The following GALM variants were observed in gnomAD, a reference collection of about 807,000 sequenced individuals.
The protein encoded by GALM is galactose mutarotase.
GALM carries 43 observed loss-of-function variants against 37.4 expected under a neutral mutation model. The ratio of observed to expected loss-of-function variants is 1.15; its 90% CI spans 0.90 to 1.48. The LOEUF is 1.48. GALM is among the 40% of genes most tolerant of loss of function. GALM has a pLI of 0.00. For missense variants in GALM, 456 were observed against 419.1 expected (o/e 1.09, Z -0.77); for synonymous variants, 199 against 170.6 (o/e 1.17, Z -1.30).
chr2:38,702,742 T>G (rs1665944126), intron 4 of GALM, among the ~76,000 whole-genome samples: 1 of 151,964 alleles, frequency 6.6e-6, no homozygotes, highest in East Asian at 1.9e-4. Flanking sequence ...GCTTGGTCTC[T>G]TCGGGTTGAA....
intron 4 of GALM, among the ~76,000 whole-genome samples, chr2:38,723,146 C>CT (rs1666417940): frequency 6.6e-6 from 1 of 152,140 alleles, no homozygotes; most frequent in Non-Finnish European, 1.5e-5. Context: ...AATTCTTGCC[C>CT]TTTAGGACCT....
At chr2:38,727,779 G>A (rs1666517095) in intron 4 of GALM, among the ~76,000 whole-genome samples, 1 of 151,212 alleles carries the variant, frequency 6.6e-6, no homozygotes, top group Non-Finnish European at 1.5e-5. Flanking sequence ...CTTTTACTCA[G>A]ATAGATTTGT....
intron 1 of GALM, 22 bp from the exon 2 acceptor site, chr2:38,675,890 C>T: frequency 6.2e-7 from 1 of 1,613,118 alleles, no homozygotes; most frequent in Non-Finnish European, 8.5e-7. Flanking sequence ...TTTAAAAGTG[C>T]TGTCATCCCT....
chr2:38,673,906 G>C (rs1665176963), intron 1 of GALM, among the ~76,000 whole-genome samples: 2 of 151,834 alleles, frequency 1.3e-5, no homozygotes, highest in South Asian at 4.1e-4. Context: ...TAAATGAAAA[G>C]TTGCAGAACA....
intron 4 of GALM, among the ~76,000 whole-genome samples, chr2:38,697,830 C>T (rs530171321): frequency 2.0e-4 from 31 of 152,280 alleles, no homozygotes; most frequent in South Asian, 6.2e-4. Context: ...AATTCCCTTA[C>T]GTCTTCAATG....
chr2:38,678,349 T>C (rs1292210126), intron 2 of GALM, among the ~76,000 whole-genome samples: 1 of 152,072 alleles, frequency 6.6e-6, no homozygotes, highest in Non-Finnish European at 1.5e-5. Context: ...TGAATAGGAT[T>C]TGAAATGGTA....
chr2:38,676,781 T>TAAAA (rs1558578401), intron 2 of GALM, among the ~76,000 whole-genome samples: 1 of 151,806 alleles, frequency 6.6e-6, no homozygotes, highest in East Asian at 1.9e-4. Flanking sequence ...AAAAAATAAA[T>TAAAA]AATAAATAAA....
At chr2:38,673,654 C>A (rs1665168462) in intron 1 of GALM, among the ~76,000 whole-genome samples, 1 of 151,754 alleles carries the variant, frequency 6.6e-6, no homozygotes, top group Admixed American at 6.6e-5. Context: ...ACTAAAAATA[C>A]AAAAAATAAG....
chr2:38,732,210 C>T (rs1487010733), intron 6 of GALM, among the ~76,000 whole-genome samples: 2 of 152,158 alleles, frequency 1.3e-5, no homozygotes, highest in African/African-American at 2.4e-5. Context: ...GCGCCTACCA[C>T]CATGCCTGCT....
chr2:38,728,308 C>A (rs1396898342), intron 4 of GALM, among the ~76,000 whole-genome samples: 1 of 151,738 alleles, frequency 6.6e-6, no homozygotes, highest in Non-Finnish European at 1.5e-5. Flanking sequence ...GTGGGAGAAT[C>A]ACTTGAACCT....
intron 2 of GALM, among the ~76,000 whole-genome samples, chr2:38,680,706 C>T (rs1302412161): frequency 7.0e-6 from 1 of 142,018 alleles, no homozygotes; most frequent in East Asian, 2.0e-4. Context: ...AGTGGGGCTA[C>T]AAGATTAAAA....
intron 3 of GALM, among the ~76,000 whole-genome samples, chr2:38,682,087 T>C (rs1036637331): frequency 6.6e-6 from 1 of 152,186 alleles, no homozygotes; most frequent in Non-Finnish European, 1.5e-5. Flanking sequence ...TTAGAAGCCC[T>C]TTATGAAGTT....
Position 38,681,471 on chromosome 2 carries a change from C to T in GALM, c.537C>T (p.Phe179=), listed in dbSNP as rs757561349. ...TPVNLTNHSY[F]NLAGQASPNI... ...TCAACCTGACCAACCATTCTTACTT[C>T]AACCTGGCAGGCCAGGTAAGTGAAC... The change falls in exon 3 of 7, where the codon TTC becomes TTT. Residue 179 remains phenylalanine, a synonymous_variant. Transcript: ENST00000272252. 1.2e-6 allele frequency: 2 copies of T among 1,613,970 alleles called. No individual in the cohort carries two copies. The highest frequency in any genetic ancestry group is 2.2e-5 in the East Asian group (1 of 44,878).
At chr2:38,708,112 TA>T (rs4015873) in intron 4 of GALM, among the ~76,000 whole-genome samples, 2 of 23,318 alleles carry the variant, frequency 8.6e-5, no homozygotes, top group Non-Finnish European at 1.8e-4. Context: ...GTATCAAAAT[TA>T]AAATAAAATA....
intron 4 of GALM, among the ~76,000 whole-genome samples, chr2:38,690,366 A>T (rs1182244373): frequency 2.6e-5 from 4 of 152,036 alleles, no homozygotes; most frequent in Admixed American, 6.6e-5. Context: ...GTTAAAAAAA[A>T]TTTTAAATAA....
intron 1 of GALM, among the ~76,000 whole-genome samples, chr2:38,669,825 ATTGTGC>A (rs958383010): frequency 6.6e-6 from 1 of 151,504 alleles, no homozygotes. Flanking sequence ...GTGAGCCGAG[ATTGTGC>A]TACTGCACTC....
intron 5 of GALM, among the ~76,000 whole-genome samples, chr2:38,730,540 C>T (rs1666585843): frequency 6.6e-6 from 1 of 152,166 alleles, no homozygotes; most frequent in African/African-American, 2.4e-5. Context: ...GCTGGGATTA[C>T]AGGTGTAAGC....
At chr2:38,669,433 G>T (rs1274685883) in intron 1 of GALM, 1 of 152,208 alleles carries the variant, frequency 6.6e-6, no homozygotes, top group Non-Finnish European at 1.5e-5. Flanking sequence ...CCCTTAAAAG[G>T]GACGGGAATT....
chr2:38,723,005 C>T (rs780170851), intron 4 of GALM, among the ~76,000 whole-genome samples: 6 of 152,162 alleles, frequency 3.9e-5, no homozygotes, highest in South Asian at 2.1e-4. Context: ...TTTCATTCTT[C>T]GTCACCAGAT....
Sources: gnomAD v4.1 joint callset for allele counts (sites outside exome capture counted in the v4.1 genomes callset) on GRCh38, gnomAD v4.1.1 for gene constraint, MANE v1.5 for transcripts, NCBI Gene and HGNC (gene_info 2026-07-23, HGNC 2026-07-21) for gene names.